PCDH9: variants seen among roughly 807,000 people sequenced by gnomAD.
The protein encoded by PCDH9 is protocadherin-9.
Under a neutral mutation model 70.6 loss-of-function variants are expected in PCDH9, and 24 were observed. That is an observed-to-expected ratio of 0.34 (90% CI 0.25 to 0.48). The LOEUF is 0.48. PCDH9 is among the 20% of genes least tolerant of loss of function. PCDH9 has a pLI of 0.99. For synonymous variants in PCDH9, 562 were observed against 558.5 expected (o/e 1.01, Z -0.09); for missense variants, 1,281 against 1,503.6 (o/e 0.85, Z 2.45).
intron 3 of PCDH9, among the ~76,000 whole-genome samples, chr13:66,730,876 G>GTTTTT (rs758928616): frequency 0.33 from 15,103 of 45,820 alleles, 1,121 homozygotes; most frequent in Middle Eastern, 0.5. Context: ...GTGTGTGTGT[G>GTTTTT]TTTTTTTTTT....
chr13:66,726,403 A>G (rs7982299), intron 3 of PCDH9, among the ~76,000 whole-genome samples: 78,380 of 151,980 alleles, frequency 0.52, 20,295 homozygotes, highest in Middle Eastern at 0.56. Context: ...TAGATGGTAA[A>G]AGAAGCATAC....
chr13:66,439,876 G>A (rs984286557), intron 4 of PCDH9, among the ~76,000 whole-genome samples: 2 of 152,088 alleles, frequency 1.3e-5, no homozygotes, highest in Non-Finnish European at 2.9e-5. Flanking sequence ...TTCTGTTAGA[G>A]GAGTTAATAA....
intron 3 of PCDH9, among the ~76,000 whole-genome samples, chr13:66,676,967 C>A (rs1383204288): frequency 2.0e-5 from 3 of 152,008 alleles, no homozygotes; most frequent in Non-Finnish European, 4.4e-5. Flanking sequence ...AATATTGATT[C>A]ATTTTCCAAC....
At chr13:66,867,511 G>A (rs1009698724) in intron 3 of PCDH9, among the ~76,000 whole-genome samples, 10 of 152,034 alleles carry the variant, frequency 6.6e-5, no homozygotes, top group African/African-American at 2.4e-4. Context: ...AAAAGATAAA[G>A]CAGAGGTATG....
At chr13:67,168,661 G>T (rs2088191869) in intron 2 of PCDH9, among the ~76,000 whole-genome samples, 2 of 152,122 alleles carry the variant, frequency 1.3e-5, no homozygotes, top group Admixed American at 6.5e-5. Context: ...AGTGCAAATA[G>T]TTGATGCTGT....
chr13:67,066,390 C>T (rs536702921), intron 2 of PCDH9, among the ~76,000 whole-genome samples: 2 of 152,154 alleles, frequency 1.3e-5, no homozygotes, highest in Non-Finnish European at 2.9e-5. Flanking sequence ...CCTGCCACCA[C>T]ACCCAGCTAA....
chr13:66,535,101 A>T (rs1960639992), intron 4 of PCDH9, among the ~76,000 whole-genome samples: 1 of 152,098 alleles, frequency 6.6e-6, no homozygotes, highest in Non-Finnish European at 1.5e-5. Context: ...TCAGTGAACC[A>T]CTAAAATTTT....
intron 2 of PCDH9, among the ~76,000 whole-genome samples, chr13:67,180,891 T>A (rs576100212): frequency 6.6e-6 from 1 of 152,162 alleles, no homozygotes; most frequent in Non-Finnish European, 1.5e-5. Context: ...GGGATAGCAA[T>A]CCAAATGTAT....
intron 4 of PCDH9, among the ~76,000 whole-genome samples, chr13:66,593,096 A>G (rs761490957): frequency 2.0e-5 from 3 of 151,718 alleles, no homozygotes; most frequent in Non-Finnish European, 3.0e-5. Context: ...TGGTTCTGTA[A>G]TTTTATCTAA....
chr13:67,172,678 C>T (rs999179956), intron 2 of PCDH9, among the ~76,000 whole-genome samples: 1 of 151,804 alleles, frequency 6.6e-6, no homozygotes, highest in Non-Finnish European at 1.5e-5. Context: ...CGGAGTTCGA[C>T]ACCAGCCTGA....
At chr13:66,944,675 A>T (rs114878710) in intron 2 of PCDH9, among the ~76,000 whole-genome samples, 1 of 152,144 alleles carries the variant, frequency 6.6e-6, no homozygotes, top group African/African-American at 2.4e-5. Flanking sequence ...CTCTATATTT[A>T]GTGGATAACC....
intron 3 of PCDH9, among the ~76,000 whole-genome samples, chr13:66,746,142 T>C (rs1301043747): frequency 6.6e-6 from 1 of 152,224 alleles, no homozygotes; most frequent in Non-Finnish European, 1.5e-5. Flanking sequence ...CACTTATCTA[T>C]TTTTTGATAA....
At chr13:66,845,404 G>T (rs1242322712) in intron 3 of PCDH9, among the ~76,000 whole-genome samples, 1 of 152,256 alleles carries the variant, frequency 6.6e-6, no homozygotes, top group Non-Finnish European at 1.5e-5. Context: ...TTTGCTTTGA[G>T]ATCTGGCGCG....
At chr13:66,684,207 G>A (rs527301629) in intron 3 of PCDH9, among the ~76,000 whole-genome samples, 207 of 152,240 alleles carry the variant, frequency 1.4e-3, no homozygotes, top group African/African-American at 4.8e-3. Context: ...GACTACTAAA[G>A]GCTAGCCAAT....
At chr13:66,832,198 A>C (rs896707416) in intron 3 of PCDH9, among the ~76,000 whole-genome samples, 3 of 152,182 alleles carry the variant, frequency 2.0e-5, no homozygotes, top group Non-Finnish European at 4.4e-5. Context: ...TATAAATAAA[A>C]ATTGCATAGT....
At chr13:67,042,788 T>G (rs1305900588) in intron 2 of PCDH9, among the ~76,000 whole-genome samples, 1 of 152,136 alleles carries the variant, frequency 6.6e-6, no homozygotes, top group African/African-American at 2.4e-5. Context: ...AAGAAAATAC[T>G]AGAATTTGTC....
intron 3 of PCDH9, among the ~76,000 whole-genome samples, chr13:66,769,727 T>C (rs968086157): frequency 5.3e-5 from 8 of 152,154 alleles, no homozygotes; most frequent in African/African-American, 1.7e-4. Flanking sequence ...GGCTTTCAAT[T>C]ACATGATTTT....
rs192902438 is a variant in PCDH9, at chr13:66,384,805, C to T, written c.3341-79777G>A. 1.5e-4 allele frequency among the ~76,000 whole-genome samples: 23 copies of T among 150,986 alleles called. 1 individual carries two copies. The highest frequency in any genetic ancestry group is 1.3e-3 in the Admixed American group (20 of 14,932). ...TCAGCCTCCCGAGTAGCTGGGATTA[C>T]AGGCACCTGCCACCACTCCCAGATA... is the stretch of plus-strand genomic sequence containing the variant. On this transcript the variant is annotated intron_variant, in intron 4 of 4. Transcript: ENST00000377865.
intron 4 of PCDH9, among the ~76,000 whole-genome samples, chr13:66,428,018 T>C (rs1957704167): frequency 6.6e-6 from 1 of 151,906 alleles, no homozygotes; most frequent in Non-Finnish European, 1.5e-5. Context: ...AAAACTTTGA[T>C]TATTTTCTCT....
Sources: gnomAD v4.1 joint callset for allele counts (sites outside exome capture counted in the v4.1 genomes callset) on GRCh38, gnomAD v4.1.1 for gene constraint, MANE v1.5 for transcripts, NCBI Gene and HGNC (gene_info 2026-07-23, HGNC 2026-07-21) for gene names.